Variants in KATNIP observed in about 807,000 individuals in gnomAD.
KATNIP encodes katanin-interacting protein.
A neutral mutation model predicts 174.0 loss-of-function variants in KATNIP; 126 were observed. That is an observed-to-expected ratio of 0.72 (90% CI 0.63 to 0.84). The LOEUF (loss-of-function observed/expected upper bound fraction) is 0.84, where lower values mean the gene tolerates loss of function less well. Ranked by LOEUF, KATNIP falls within the 40% of genes least tolerant of loss-of-function variation. The pLI is 0.00. For synonymous variants in KATNIP, 810 were observed against 835.7 expected, an observed-to-expected ratio of 0.97 and a Z score of 0.53; for missense variants, 1,958 against 2,109.7, an observed-to-expected ratio of 0.93 and a Z score of 1.41.
intron 1 of KATNIP, among the ~76,000 whole-genome samples, chr16:27,551,584 C>T (rs2089371150): frequency 6.6e-6 from 1 of 152,126 alleles, no homozygotes; most frequent in African/African-American, 2.4e-5. Flanking sequence ...TAATTAGTTC[C>T]TTTAAAAATA....
At chr16:27,746,972 G>A (rs534566814) in intron 15 of KATNIP, among the ~76,000 whole-genome samples, 7 of 152,354 alleles carry the variant, frequency 4.6e-5, no homozygotes, top group Non-Finnish European at 5.9e-5. Flanking sequence ...GAGTGGACAT[G>A]TCTGGACCTT....
At position 27,740,855 on chromosome 16, in the gene KATNIP, G is replaced by A. The variant is rs2081079224; in HGVS notation, c.2558G>A (p.Gly853Glu). Residue 853 changes from glycine (G) to glutamate (E), a missense_variant, in exon 15 of 28, where the codon GGG becomes GAG. By Grantham distance (98) the Gly-to-Glu change is moderately conservative (BLOSUM62 -2). Coordinates refer to ENST00000261588, the MANE Select transcript of KATNIP (RefSeq NM_015202.5). Reference sequence around the variant, plus strand: ...CCCAACAGAGAGCGCCCTGCTAGTGGGAGGAGGGGCTCAAGGAAGGATGCT... The same window carrying A: ...CCCAACAGAGAGCGCCCTGCTAGTGAGAGGAGGGGCTCAAGGAAGGATGCT... ...QPPNRERPAS[G>E]RRGSRKDAGS... 3 of 1,611,372 alleles carry A rather than the reference G, an allele frequency of 1.9e-6. No individual in the cohort carries two copies. Among genetic ancestry groups the A allele is most frequent in the Non-Finnish European group, 2.5e-6 (3 of 1,178,832 alleles).
intron 6 of KATNIP, among the ~76,000 whole-genome samples, chr16:27,674,561 T>G (rs750461849): frequency 1.3e-5 from 2 of 152,230 alleles, no homozygotes; most frequent in Non-Finnish European, 2.9e-5. Flanking sequence ...TTACGTATTC[T>G]CTATTTGATG....
At chr16:27,550,631 A>G (rs764055708) in intron 1 of KATNIP, among the ~76,000 whole-genome samples, 9 of 152,172 alleles carry the variant, frequency 5.9e-5, no homozygotes, top group Non-Finnish European at 1.2e-4. Flanking sequence ...GGCGTTAATA[A>G]TAATAGCTCC....
In KATNIP at chr16:27,600,009, C is replaced by T. The variant is rs749340575; in HGVS notation, c.64-18416C>T. Among the ~76,000 whole-genome samples, 2 of 152,230 alleles carry T rather than the reference C, an allele frequency of 1.3e-5. 1 individual carries two copies. The highest frequency in any genetic ancestry group is 4.1e-4 in the South Asian group (2 of 4,838). On this transcript the variant is annotated intron_variant, in intron 2 of 27. Coordinates refer to ENST00000261588, the MANE Select transcript of KATNIP (RefSeq NM_015202.5). The stretch of plus-strand genomic sequence containing the variant: ...GTTATCCTCTGCAGCGAAGCTTCAC[C>T]TGCCCCCTTTTAAAGCCACTCATCG...
chr16:27,739,896 C>T, intron 14 of KATNIP, 145 bp from the exon 15 acceptor site: 1 of 806,220 alleles, frequency 1.2e-6, no homozygotes, highest in Non-Finnish European at 1.9e-6. Flanking sequence ...AGCCTAGTTT[C>T]ACACCCCCAG....
At chr16:27,660,382 C>T (rs2077433240) in intron 6 of KATNIP, among the ~76,000 whole-genome samples, 1 of 152,176 alleles carries the variant, frequency 6.6e-6, no homozygotes. Flanking sequence ...AACCCCGTCT[C>T]TATTAAAAAT....
chr16:27,569,064 T>C (rs956336533), intron 1 of KATNIP, among the ~76,000 whole-genome samples: 1 of 152,246 alleles, frequency 6.6e-6, no homozygotes, highest in African/African-American at 2.4e-5. Context: ...TCATGTACTA[T>C]ATACATTTCC....
chr16:27,749,746 A>G lies in KATNIP; in HGVS notation c.2786A>G (p.Gln929Arg). 1 of 1,612,296 alleles carries G rather than the reference A, an allele frequency of 6.2e-7. No homozygotes were observed. The highest frequency in any genetic ancestry group is 8.5e-7 in the Non-Finnish European group (1 of 1,179,080). The change falls in exon 16 of 28, where the codon CAG (glutamine) becomes CGG (arginine). Residue 929 changes from glutamine (Q) to arginine (R), a missense_variant. Gln to Arg is a conservative substitution (Grantham distance 43). This residue lies in a region of KATNIP where 1,557 missense variants were observed against 1,617.8 expected (regional missense o/e 0.96). Transcript: ENST00000261588. ...LPGDILDELL[Q>R]QKSSRHSDLP... Reference sequence around the variant, plus strand: ...GGGGACATCCTGGATGAGCTCCTGCAGCAAAAGAGCAGCCGGCACAGCGAC... The same window carrying G: ...GGGGACATCCTGGATGAGCTCCTGCGGCAAAAGAGCAGCCGGCACAGCGAC...
intron 1 of KATNIP, among the ~76,000 whole-genome samples, chr16:27,572,359 GA>G (rs2090336175): frequency 2.6e-5 from 1 of 39,038 alleles, no homozygotes; most frequent in African/African-American, 7.8e-5. Flanking sequence ...AGGCAAAAAA[GA>G]AAACACACAC....
At chr16:27,611,600 T>C (rs2075894132) in intron 2 of KATNIP, among the ~76,000 whole-genome samples, 1 of 152,212 alleles carries the variant, frequency 6.6e-6, no homozygotes, top group African/African-American at 2.4e-5. Flanking sequence ...CAGGAATTTA[T>C]AATCTGACTG....
chr16:27,556,739 T>C (rs2089643513), intron 1 of KATNIP, among the ~76,000 whole-genome samples: 1 of 152,178 alleles, frequency 6.6e-6, no homozygotes. Context: ...ACCTGGCTTC[T>C]TGGTGATTTG....
chr16:27,741,029 GGTT>G, intron 15 of KATNIP, 109 bp downstream of exon 15: 1 of 1,162,938 alleles, frequency 8.6e-7, no homozygotes, highest in Non-Finnish European at 1.2e-6. Flanking sequence ...ACAACAAGAT[GGTT>G]GTTCTCAACT....
chr16:27,770,598 A>C (rs1007434708), intron 21 of KATNIP, among the ~76,000 whole-genome samples: 3 of 152,212 alleles, frequency 2.0e-5, no homozygotes, highest in African/African-American at 7.2e-5. Flanking sequence ...AAGTCATTTA[A>C]TTGTAACATT....
At chr16:27,718,541 A>G (rs1319089983) in intron 13 of KATNIP, 2 of 152,288 alleles carry the variant, frequency 1.3e-5, no homozygotes, top group Admixed American at 6.5e-5. Context: ...GACTTTGAAC[A>G]CCACAATTCC....
chr16:27,685,079 G>A (rs2078476145), intron 8 of KATNIP, among the ~76,000 whole-genome samples: 2 of 152,160 alleles, frequency 1.3e-5, no homozygotes, highest in African/African-American at 4.8e-5. Flanking sequence ...AGTGAGTAGT[G>A]CAAGACTTTG....
intron 2 of KATNIP, among the ~76,000 whole-genome samples, chr16:27,587,843 G>A (rs2090956643): frequency 6.6e-6 from 1 of 150,764 alleles, no homozygotes; most frequent in Non-Finnish European, 1.5e-5. Context: ...TGATCCATTG[G>A]TATCATCTAT....
Position 27,778,580 on chromosome 16 carries a change from G to A in KATNIP, c.4808G>A (p.Arg1603His), listed in dbSNP as rs778258351. The change falls in exon 28 of 28, where the codon CGT becomes CAT. Residue 1603 changes from arginine to histidine, a missense_variant. Arg to His is a conservative substitution (Grantham distance 29). Transcript: ENST00000261588. ...RKQSVVDPAL[R>H]PKTCISEKET... ...CTGTTCCCTGTCATGACAGCCTTAC[G>A]TCCCAAAACCTGCATCAGCGAGAAG... is the stretch of plus-strand genomic sequence containing the variant. The A allele has an allele frequency of 1.4e-5, 23 of 1,613,550 alleles. No homozygotes were observed. Among genetic ancestry groups the A allele is most frequent in the South Asian group, 7.7e-5 (7 of 91,010 alleles).
intron 2 of KATNIP, among the ~76,000 whole-genome samples, chr16:27,614,855 C>T (rs1271326117): frequency 6.6e-6 from 1 of 152,092 alleles, no homozygotes; most frequent in Non-Finnish European, 1.5e-5. Context: ...CAATCTGGGG[C>T]TCTACAGGGA....
Sources: allele counts gnomAD v4.1 joint callset (sites outside exome capture counted in the v4.1 genomes callset), GRCh38; gene constraint gnomAD v4.1.1; regional missense constraint gnomAD v4.1.1; transcripts MANE v1.5; gene names NCBI Gene and HGNC (gene_info 2026-07-23, HGNC 2026-07-21).